Variants in LANCL2 observed in about 807,000 individuals in gnomAD.
The protein encoded by LANCL2 is LanC like glutathione S-transferase 2, also known as lanC-like protein 2.
Under a neutral mutation model 56.9 loss-of-function variants are expected in LANCL2, and 33 were observed. That is an observed-to-expected ratio of 0.58 (90% CI 0.44 to 0.78). LANCL2 has a LOEUF of 0.78. LANCL2 is among the 30% of genes least tolerant of loss of function. The pLI is 0.00. For synonymous variants in LANCL2, 233 were observed against 228.2 expected (o/e 1.02, Z -0.19); for missense variants, 562 against 580.2 (o/e 0.97, Z 0.32).
intron 8 of LANCL2, among the ~76,000 whole-genome samples, chr7:55,429,605 G>T (rs767274318): frequency 3.9e-5 from 6 of 151,976 alleles, no homozygotes; most frequent in Non-Finnish European, 7.4e-5. Flanking sequence ...TGCAGAAGAT[G>T]ATCTTTTTTA....
chr7:55,374,128 GT>G (rs1314050696), intron 1 of LANCL2, among the ~76,000 whole-genome samples: 1 of 152,148 alleles, frequency 6.6e-6, no homozygotes, highest in African/African-American at 2.4e-5. Flanking sequence ...AATTACATAT[GT>G]TTTGAGCCCT....
At chr7:55,392,322 C>CT (rs1243055276) in intron 2 of LANCL2, among the ~76,000 whole-genome samples, 20 of 142,374 alleles carry the variant, frequency 1.4e-4, no homozygotes, top group Admixed American at 2.1e-4. Context: ...GATTTTATAT[C>CT]TTTTTTTTTT....
intron 1 of LANCL2, among the ~76,000 whole-genome samples, chr7:55,373,407 C>T (rs1201006262): frequency 6.6e-6 from 1 of 152,090 alleles, no homozygotes; most frequent in Non-Finnish European, 1.5e-5. Flanking sequence ...CCTCCCACCT[C>T]AGCCTCCCAA....
In LANCL2 at chr7:55,395,891, T is replaced by G. The variant is rs114980235; in HGVS notation, c.323-2532T>G. 3.7e-3 allele frequency among the ~76,000 whole-genome samples: 557 copies of G among 152,312 alleles called. 3 individuals carry two copies. The highest frequency in any genetic ancestry group is 0.012 in the African/African-American group (518 of 41,560). Reference sequence around the variant, plus strand: ...ATTGAGCAGTTTCATTGTGCAGATATAGAGGTGCTCACACACACCTAGATT... The same window carrying G: ...ATTGAGCAGTTTCATTGTGCAGATAGAGAGGTGCTCACACACACCTAGATT... On this transcript the variant is annotated intron_variant, in intron 2 of 8. Coordinates refer to ENST00000254770, the MANE Select transcript of LANCL2 (RefSeq NM_018697.4).
At chr7:55,376,925 C>A (rs775155119) in intron 1 of LANCL2, among the ~76,000 whole-genome samples, 2 of 152,194 alleles carry the variant, frequency 1.3e-5, no homozygotes, top group African/African-American at 4.8e-5. Context: ...CATTTTATTT[C>A]TTTCTTCCTC....
intron 8 of LANCL2, among the ~76,000 whole-genome samples, chr7:55,429,513 C>G (rs1286640934): frequency 1.3e-5 from 2 of 152,260 alleles, no homozygotes; most frequent in Middle Eastern, 3.4e-3. Context: ...GTGGTATGTC[C>G]TGTTTTAGTT....
chr7:55,366,280 G>A (rs1189346749), intron 1 of LANCL2, 51 bp downstream of exon 1: 8 of 1,400,188 alleles, frequency 5.7e-6, no homozygotes, highest in Admixed American at 2.9e-5. Context: ...CGCGGCGGTG[G>A]TAGCGTCCAC....
chr7:55,421,308 AT>A (rs1790605668), intron 6 of LANCL2, among the ~76,000 whole-genome samples: 1 of 126,254 alleles, frequency 7.9e-6, no homozygotes, highest in Non-Finnish European at 1.7e-5. Flanking sequence ...TTAGTTGGAA[AT>A]TTTTTAGGAT....
At chr7:55,402,919 A>T (rs1790358058) in intron 5 of LANCL2, among the ~76,000 whole-genome samples, 1 of 141,392 alleles carries the variant, frequency 7.1e-6, no homozygotes, top group South Asian at 2.3e-4. Flanking sequence ...CCTAGATGGG[A>T]TGGCGGCTGG....
intron 6 of LANCL2, among the ~76,000 whole-genome samples, chr7:55,412,609 C>T (rs563315199): frequency 6.6e-6 from 1 of 152,282 alleles, no homozygotes; most frequent in South Asian, 2.1e-4. Context: ...GATTAATTCT[C>T]GTAGGCTTTA....
chr7:55,380,195 AG>A (rs1372685102), intron 1 of LANCL2, among the ~76,000 whole-genome samples: 2 of 152,210 alleles, frequency 1.3e-5, no homozygotes, highest in Non-Finnish European at 2.9e-5. Flanking sequence ...ATAATGTCAA[AG>A]GGGAAAGTCG....
intron 2 of LANCL2, among the ~76,000 whole-genome samples, chr7:55,398,135 G>C (rs536838281): frequency 2.0e-5 from 3 of 152,160 alleles, no homozygotes; most frequent in Non-Finnish European, 4.4e-5. Context: ...AGGAAGTGAT[G>C]TATCTTCTGT....
At chr7:55,402,836 A>G in intron 5 of LANCL2, among the ~76,000 whole-genome samples, 1 of 140,334 alleles carries the variant, frequency 7.1e-6, no homozygotes, top group African/African-American at 2.7e-5. Context: ...CTCACATCCC[A>G]GACGGGGCGG....
At position 55,432,034 on chromosome 7, in the gene LANCL2, C is replaced by T. The variant is rs1790735802; in HGVS notation, c.*714C>T. On this transcript the variant is annotated 3_prime_UTR_variant, in exon 9 of 9. Coordinates refer to ENST00000254770, the MANE Select transcript of LANCL2 (RefSeq NM_018697.4). ...GGCAGCTGGAGCTTTGTTGGGGAGA[C>T]TTCTGGACCCAAAGGGAGCTTTCCC... is the stretch of plus-strand genomic sequence containing the variant. The T allele has an allele frequency of 6.6e-6, 1 of 152,238 alleles. No homozygotes were observed. Among genetic ancestry groups the T allele is most frequent in the African/African-American group, 2.4e-5 (1 of 41,460 alleles). 9.4% of individuals were successfully genotyped at this position (152,238 alleles called of 1,614,324 possible).
At chr7:55,405,200 T>C (rs1384174005) in intron 5 of LANCL2, among the ~76,000 whole-genome samples, 2 of 152,074 alleles carry the variant, frequency 1.3e-5, no homozygotes, top group Non-Finnish European at 2.9e-5. Flanking sequence ...CAAATCCCAG[T>C]CCAAGGGCAG....
intron 1 of LANCL2, among the ~76,000 whole-genome samples, chr7:55,368,418 T>G (rs1789899640): frequency 6.6e-6 from 1 of 152,144 alleles, no homozygotes; most frequent in Admixed American, 6.5e-5. Flanking sequence ...GAAATGGACA[T>G]CATATTATTC....
At position 55,431,365 on chromosome 7, in the gene LANCL2, A is replaced by G. The variant is rs815988; in HGVS notation, c.*45A>G. ...AAAATACCCATTTGGACCAAAAGCCACCAGATTGCTTAGTGCCTGACACAG... is the reference window on the plus strand; with the variant it reads ...AAAATACCCATTTGGACCAAAAGCCGCCAGATTGCTTAGTGCCTGACACAG... On this transcript the variant is annotated 3_prime_UTR_variant, in exon 9 of 9. Coordinates refer to ENST00000254770, the MANE Select transcript of LANCL2 (RefSeq NM_018697.4). 1,316,820 of 1,410,994 alleles carry G rather than the reference A, an allele frequency of 0.93. 615,150 individuals are homozygous for G. The highest frequency in any genetic ancestry group is 1 in the East Asian group (43,524 of 43,528). 87.4% of individuals were successfully genotyped at this position (1,410,994 alleles called of 1,614,324 possible). A position where few individuals can be genotyped will look rare whatever the true frequency, so the allele number is the denominator to read the frequency against.
intron 1 of LANCL2, among the ~76,000 whole-genome samples, chr7:55,377,360 C>T (rs1028162318): frequency 1.3e-5 from 2 of 151,994 alleles, no homozygotes; most frequent in Admixed American, 1.3e-4. Flanking sequence ...TTTCTTGAAA[C>T]GTTTTTCAAG....
Position 55,391,812 on chromosome 7 carries a change from G to T in LANCL2, c.224G>T (p.Arg75Ile). The T allele has an allele frequency of 6.2e-7, 1 of 1,602,648 alleles. No individual in the cohort carries two copies. Among genetic ancestry groups the T allele is most frequent in the Non-Finnish European group, 8.5e-7 (1 of 1,170,088 alleles). Residue 75 changes from arginine to isoleucine, a missense_variant, in exon 2 of 9, where the codon AGA becomes ATA. By Grantham distance (97) the Arg-to-Ile change is moderately conservative. Around this residue, in one of 2 missense-constraint regions of LANCL2, gnomAD observed 184 missense variants for 111.8 expected, o/e 1.65. Transcript: ENST00000254770. ...QDGKIIHNFIRRIQTKIKDLL... is the reference protein window; with the variant it reads ...QDGKIIHNFIIRIQTKIKDLL... ...TCTCAGATCATTCATAATTTCATAAGACGGATCCAGACCAAAATTAAAGAT... is the reference window on the plus strand; with the variant it reads ...TCTCAGATCATTCATAATTTCATAATACGGATCCAGACCAAAATTAAAGAT...
Sources: allele counts gnomAD v4.1 joint callset (sites outside exome capture counted in the v4.1 genomes callset), GRCh38; gene constraint gnomAD v4.1.1; regional missense constraint gnomAD v4.1.1; transcripts MANE v1.5; gene names NCBI Gene and HGNC (gene_info 2026-07-23, HGNC 2026-07-21).